Variants in RANBP17 observed in about 807,000 individuals in gnomAD.
RANBP17 encodes the protein ran-binding protein 17.
Under a neutral mutation model 141.2 loss-of-function variants are expected in RANBP17, and 158 were observed. The observed-to-expected ratio is 1.12, with a 90% CI of 0.98 to 1.28. RANBP17 has a LOEUF of 1.28. Among genes scored for constraint, RANBP17 ranks in the 50% most tolerant of loss-of-function variants. RANBP17 has a pLI of 0.00. For missense variants in RANBP17, 1,438 were observed against 1,290.7 expected, an observed-to-expected ratio of 1.11 and a Z score of -1.75; for synonymous variants, 430 against 450.0, an observed-to-expected ratio of 0.96 and a Z score of 0.56.
In RANBP17 at chr5:171,298,526, T is replaced by C. The variant is rs570988736; in HGVS notation, c.3171-236T>C. On this transcript the variant is annotated intron_variant, in intron 27 of 27. Coordinates refer to ENST00000523189, the MANE Select transcript of RANBP17 (RefSeq NM_022897.5). ...CCACAAAATGTACACCTCAAGATGGTCAGAGTGAATTTAGTGGCAACCCTG... is the reference window on the plus strand; with the variant it reads ...CCACAAAATGTACACCTCAAGATGGCCAGAGTGAATTTAGTGGCAACCCTG... Among the ~76,000 whole-genome samples the C allele has an allele frequency of 3.9e-5, 6 of 152,334 alleles. No individual in the cohort carries two copies. In the East Asian group the frequency reaches 1.2e-3, roughly 29 times the overall value.
intron 13 of RANBP17, among the ~76,000 whole-genome samples, chr5:170,961,970 T>A (rs1776183457): frequency 6.6e-6 from 1 of 152,240 alleles, no homozygotes; most frequent in African/African-American, 2.4e-5. Context: ...AAAGTGATTA[T>A]GTTCTTAGTG....
intron 14 of RANBP17, among the ~76,000 whole-genome samples, chr5:171,069,642 C>T (rs190496697): frequency 6.6e-6 from 1 of 152,276 alleles, no homozygotes; most frequent in East Asian, 1.9e-4. Flanking sequence ...GTATTCAACA[C>T]TGTGTTATAA....
chr5:170,949,975 G>A (rs1189083683), intron 12 of RANBP17, among the ~76,000 whole-genome samples: 1 of 152,114 alleles, frequency 6.6e-6, no homozygotes, highest in Admixed American at 6.6e-5. Flanking sequence ...TGACAAAGGT[G>A]TCAAGAACAT....
intron 21 of RANBP17, among the ~76,000 whole-genome samples, chr5:171,219,089 G>A (rs1763401485): frequency 6.6e-6 from 1 of 152,092 alleles, no homozygotes; most frequent in Non-Finnish European, 1.5e-5. Flanking sequence ...AGACCTGGTG[G>A]TGACAAAATC....
intron 13 of RANBP17, among the ~76,000 whole-genome samples, chr5:170,965,545 G>T (rs1272865858): frequency 6.6e-6 from 1 of 152,178 alleles, no homozygotes; most frequent in Non-Finnish European, 1.5e-5. Flanking sequence ...TAACATGTAA[G>T]TCTTTAATCC....
chr5:170,956,489 G>A (rs1451486601), intron 13 of RANBP17, among the ~76,000 whole-genome samples: 1 of 151,764 alleles, frequency 6.6e-6, no homozygotes, highest in Non-Finnish European at 1.5e-5. Context: ...TGAATTACTT[G>A]AAAATATGAA....
At chr5:171,078,197 A>G (rs1336146539) in intron 14 of RANBP17, among the ~76,000 whole-genome samples, 3 of 150,406 alleles carry the variant, frequency 2.0e-5, no homozygotes, top group Middle Eastern at 6.4e-3. Context: ...GAAGTGACAC[A>G]ATCTGGTTCA....
intron 14 of RANBP17, among the ~76,000 whole-genome samples, chr5:171,120,362 G>A (rs1755945617): frequency 1.3e-5 from 2 of 152,184 alleles, no homozygotes; most frequent in African/African-American, 2.4e-5. Flanking sequence ...GCCAGGAATT[G>A]GAGTAAAAAA....
At chr5:170,882,288 G>A (rs948470387) in intron 3 of RANBP17, among the ~76,000 whole-genome samples, 1 of 152,012 alleles carries the variant, frequency 6.6e-6, no homozygotes, top group African/African-American at 2.4e-5. Context: ...CACCATGTTG[G>A]CCAGGATAGT....
chr5:171,245,968 T>C (rs1488833142), intron 24 of RANBP17, among the ~76,000 whole-genome samples: 1 of 148,756 alleles, frequency 6.7e-6, no homozygotes, highest in Non-Finnish European at 1.5e-5. Flanking sequence ...AACCTCCGCC[T>C]CCTGGGTTCA....
intron 14 of RANBP17, among the ~76,000 whole-genome samples, chr5:171,093,170 G>A (rs1471689867): frequency 2.0e-5 from 3 of 149,754 alleles, no homozygotes; most frequent in East Asian, 3.9e-4. Context: ...GGATCACACC[G>A]TTGCACTCCA....
At chr5:171,165,969 A>G (rs918708324) in intron 14 of RANBP17, among the ~76,000 whole-genome samples, 3 of 152,218 alleles carry the variant, frequency 2.0e-5, no homozygotes, top group Non-Finnish European at 2.9e-5. Context: ...GGAAGAATAC[A>G]TGCCTTTTAT....
intron 14 of RANBP17, among the ~76,000 whole-genome samples, chr5:171,003,763 G>A (rs563852563): frequency 1.3e-4 from 20 of 152,308 alleles, no homozygotes; most frequent in South Asian, 2.1e-4. Flanking sequence ...GAAGCCTTGC[G>A]GCAGTACAGC....
intron 14 of RANBP17, among the ~76,000 whole-genome samples, chr5:171,153,036 C>T (rs185569259): frequency 1.3e-5 from 2 of 152,150 alleles, no homozygotes; most frequent in African/African-American, 4.8e-5. Context: ...ATTTTCTTAG[C>T]AAGGTTTGAG....
Position 170,953,676 on chromosome 5 carries a change from T to A in RANBP17, c.1548T>A (p.Asp516Glu), listed in dbSNP as rs536075984. 6.2e-6 allele frequency: 10 copies of A among 1,606,952 alleles called. No individual in the cohort carries two copies. The South Asian group carries it at 9.9e-5, about 16-fold the overall frequency. The change falls in exon 13 of 28, where the codon GAT becomes GAA. Residue 516 changes from aspartate (D) to glutamate (E), a missense_variant. Transcript: ENST00000523189. ...RLTYTSTDEH[D>E]AMDGELSCRV... ...CATATACCAGTACAGATGAGCATGATGCTATGGATGGAGAATTATCCTGTC... is the reference window on the plus strand; with the variant it reads ...CATATACCAGTACAGATGAGCATGAAGCTATGGATGGAGAATTATCCTGTC...
intron 16 of RANBP17, among the ~76,000 whole-genome samples, chr5:171,174,097 T>A (rs1218259253): frequency 6.6e-6 from 1 of 152,164 alleles, no homozygotes; most frequent in Non-Finnish European, 1.5e-5. Flanking sequence ...ATTGGTAAGA[T>A]TATTGTTATT....
chr5:171,071,646 C>A (rs1784638577), intron 14 of RANBP17, among the ~76,000 whole-genome samples: 1 of 56,684 alleles, frequency 1.8e-5, no homozygotes, highest in Non-Finnish European at 3.2e-5. Flanking sequence ...CAATGAACAG[C>A]TTTATGCAAA....
intron 25 of RANBP17, among the ~76,000 whole-genome samples, chr5:171,277,637 G>GTATGTATATGTGTATATATATATATA (rs1554127913): frequency 7.0e-5 from 4 of 56,920 alleles, no homozygotes; most frequent in Admixed American, 2.7e-4. Flanking sequence ...ATATATGTAT[G>GTATGTATATGTGTATATATATATATA]TATATATATA....
In RANBP17 at chr5:170,922,942, G is replaced by A. The variant is rs1286649688; in HGVS notation, c.1275-1415G>A. Among the ~76,000 whole-genome samples, 4 of 152,104 alleles carry A rather than the reference G, an allele frequency of 2.6e-5. No homozygotes were observed. In the East Asian group the frequency reaches 7.7e-4, roughly 29 times the overall value. On this transcript the variant is annotated intron_variant, in intron 11 of 27. Transcript: ENST00000523189. ...TGCAGACCAGAGCTGTTCCTATTTG[G>A]CCATCTTGGAAGCCCTCCGCCTTTT...
Sources: gnomAD v4.1 joint callset for allele counts (sites outside exome capture counted in the v4.1 genomes callset) on GRCh38, gnomAD v4.1.1 for gene constraint, MANE v1.5 for transcripts, NCBI Gene and HGNC (gene_info 2026-07-23, HGNC 2026-07-21) for gene names.